Variants in PISD observed in about 807,000 individuals in gnomAD.
PISD encodes phosphatidylserine decarboxylase proenzyme, mitochondrial.
In PISD, 31 loss-of-function variants were observed where a neutral mutation model predicts 43.5. That is an observed-to-expected ratio of 0.71 (90% confidence interval 0.54 to 0.96). The LOEUF (loss-of-function observed/expected upper bound fraction) is 0.96, where lower values mean the gene tolerates loss of function less well. Ranked by LOEUF, PISD falls within the 40% of genes least tolerant of loss-of-function variation. PISD has a pLI of 0.00. For missense variants in PISD, 523 were observed against 548.4 expected, an observed-to-expected ratio of 0.95 and a Z score of 0.46; for synonymous variants, 259 against 228.7, an observed-to-expected ratio of 1.13 and a Z score of -1.20.
At chr22:31,619,967 G>C in intron 7 of PISD, 131 bp from the exon 8 acceptor site, 2 of 653,486 alleles carry the variant, frequency 3.1e-6, no homozygotes, top group Non-Finnish European at 5.3e-6. Context: ...CAAAAGGGAG[G>C]TGGGGATGGC....
At position 31,619,669 on chromosome 22, in the gene PISD, A is replaced by G. The variant is rs375120020; in HGVS notation, c.1173T>C (p.Asn391=). 15 of 1,614,102 alleles carry G rather than the reference A, an allele frequency of 9.3e-6. No homozygotes were observed. The highest frequency in any genetic ancestry group is 1.6e-4 in the Middle Eastern group (1 of 6,084). ...VLIFEAPKDF[N]FQLKTGQKIR... ...TTTTCTGTCCTGTTTTCAGCTGGAA[A>G]TTGAAGTCCTTGGGGGCCTCGAAGA... Residue 391 remains asparagine, a synonymous_variant, in exon 8 of 8, where the codon AAT becomes AAC. Coordinates refer to ENST00000439502, the MANE Select transcript of PISD (RefSeq NM_001326411.2).
chr22:31,653,023 A>G lies in PISD; in HGVS notation c.66-2245T>C, dbSNP rs373581241. Reference sequence around the variant, plus strand: ...TACTGTACTCCAGGCTGGGTGACAGAGTAGGACCCTACCTTAAAAAAAAAA... The same window carrying G: ...TACTGTACTCCAGGCTGGGTGACAGGGTAGGACCCTACCTTAAAAAAAAAA... On this transcript the variant is annotated intron_variant, in intron 1 of 7. Transcript: ENST00000439502. Among the ~76,000 whole-genome samples, 17 of 144,438 alleles carry G rather than the reference A, an allele frequency of 1.2e-4. No individual in the cohort carries two copies. The East Asian group carries it at 3.2e-3, about 27-fold the overall frequency. 94.8% of individuals were successfully genotyped at this position (144,438 alleles called of 152,430 possible).
chr22:31,638,129 G>A (rs1224609881), intron 3 of PISD, among the ~76,000 whole-genome samples: 1 of 152,224 alleles, frequency 6.6e-6, no homozygotes, highest in Non-Finnish European at 1.5e-5. Context: ...GGCTGTGCCT[G>A]CCCTTGGCTG....
rs754108769 is a variant in PISD, at chr22:31,619,663, C to T, written c.1179G>A (p.Gln393=). The T allele has an allele frequency of 6.2e-7, 1 of 1,614,212 alleles. No individual in the cohort carries two copies. Among genetic ancestry groups the T allele is most frequent in the Non-Finnish European group, 8.5e-7 (1 of 1,180,032 alleles). ...AGCGGATTTTCTGTCCTGTTTTCAG[C>T]TGGAAATTGAAGTCCTTGGGGGCCT... ...IFEAPKDFNF[Q]LKTGQKIRFG... The change falls in exon 8 of 8, where the codon CAG becomes CAA. Residue 393 remains glutamine (Q), a synonymous_variant. Coordinates refer to ENST00000439502, the MANE Select transcript of PISD (RefSeq NM_001326411.2).
At chr22:31,621,241 T>C in intron 5 of PISD, 93 bp downstream of exon 5, 1 of 1,609,490 alleles carries the variant, frequency 6.2e-7, no homozygotes, top group Non-Finnish European at 8.5e-7. Context: ...AGGCCCCACA[T>C]GCCAGCCTCA....
chr22:31,651,293 C>T (rs1418629329), intron 1 of PISD, among the ~76,000 whole-genome samples: 1 of 152,088 alleles, frequency 6.6e-6, no homozygotes, highest in Non-Finnish European at 1.5e-5. Flanking sequence ...AAAAGGTCAT[C>T]AAGTTGGCAA....
intron 1 of PISD, among the ~76,000 whole-genome samples, chr22:31,654,960 C>G (rs2074125302): frequency 6.6e-6 from 1 of 151,616 alleles, no homozygotes; most frequent in Non-Finnish European, 1.5e-5. Context: ...CCTGTAATCC[C>G]AGCTACTGGG....
Position 31,648,132 on chromosome 22 carries a change from T to G in PISD, c.290A>C (p.Glu97Ala), listed in dbSNP as rs577463398. ...GTGACCAGCAAGTTTGGGTGGAATC[T>G]CCAATCCCAGCTTCTCCAGCTCTCG... ...RERELEKLGL[E>A]IPPKLAGHWE... The change falls in exon 3 of 8, where the codon GAG (glutamate) becomes GCG (alanine). Residue 97 changes from glutamate to alanine, a missense_variant. Physicochemically the swap from Glu to Ala is moderately radical, Grantham distance 107 (BLOSUM62 -1). Transcript: ENST00000439502. 4.6e-5 allele frequency: 74 copies of G among 1,612,042 alleles called. 1 individual carries two copies. In the South Asian group the frequency reaches 6.9e-4, roughly 15 times the overall value.
chr22:31,655,834 G>A (rs964232888), intron 1 of PISD, among the ~76,000 whole-genome samples: 12 of 151,534 alleles, frequency 7.9e-5, no homozygotes, highest in African/African-American at 2.4e-4. Flanking sequence ...ACAGGGTTTC[G>A]CCATGTTGGC....
At chr22:31,620,443 C>T in intron 7 of PISD, 110 bp downstream of exon 7, 2 of 1,085,854 alleles carry the variant, frequency 1.8e-6, no homozygotes, top group Non-Finnish European at 2.7e-6. Flanking sequence ...CTGACCAGAG[C>T]TGTGGCCTCC....
intron 3 of PISD, chr22:31,632,248 G>C (rs2073236748): frequency 1.0e-6 from 1 of 985,026 alleles, no homozygotes; most frequent in South Asian, 4.7e-5. Context: ...GGGGGAAGAA[G>C]ACAGATAGGG....
At chr22:31,627,103 G>A (rs8139890) in intron 3 of PISD, among the ~76,000 whole-genome samples, 6,725 of 152,286 alleles carry the variant, frequency 0.044, 131 homozygotes, top group Non-Finnish European at 0.05. Flanking sequence ...AAGAATCACC[G>A]AAGCCCCGGG....
At chr22:31,629,286 A>ACATACCCTTGCACCTGCACAC in intron 3 of PISD, 1 of 934,582 alleles carries the variant, frequency 1.1e-6, no homozygotes, top group Non-Finnish European at 1.3e-6. Context: ...ATACGTGTGC[A>ACATACCCTTGCACCTGCACAC]GGTGCAAGGG....
chr22:31,637,346 G>A (rs903986218), intron 3 of PISD, among the ~76,000 whole-genome samples: 7 of 149,970 alleles, frequency 4.7e-5, no homozygotes, highest in Non-Finnish European at 1.0e-4. Flanking sequence ...CTGGGCAACA[G>A]AGCAAGACTC....
intron 3 of PISD, chr22:31,638,535 C>G: frequency 1.0e-6 from 1 of 985,532 alleles, no homozygotes; most frequent in Non-Finnish European, 1.2e-6. Flanking sequence ...ACACAGCTGC[C>G]CCAAGAGAGG....
upstream of PISD, chr22:31,662,271 C>T (rs2074345075): frequency 1.3e-6 from 2 of 1,527,344 alleles, no homozygotes; most frequent in Non-Finnish European, 1.8e-6. Context: ...CTTAAGGCGT[C>T]ACGAGTCTCG....
chr22:31,650,294 A>G (rs1202145781), intron 2 of PISD, among the ~76,000 whole-genome samples: 1 of 152,214 alleles, frequency 6.6e-6, no homozygotes, highest in Admixed American at 6.5e-5. Context: ...CCTGGGCATC[A>G]TAGCAAAACT....
Position 31,650,691 on chromosome 22 carries a change from C to T in PISD, c.145+8G>A. Reference sequence around the variant, plus strand: ...AGAGGGTCACCACCATCTCTAATTGCTCCTTACCTGTGCGAAAGGCTCTAA... The same window carrying T: ...AGAGGGTCACCACCATCTCTAATTGTTCCTTACCTGTGCGAAAGGCTCTAA... On this transcript the variant is annotated splice_region_variant and intron_variant, in intron 2 of 7. Transcript: ENST00000439502. The T allele has an allele frequency of 1.3e-6, 2 of 1,521,068 alleles. No individual in the cohort carries two copies. The highest frequency in any genetic ancestry group is 1.8e-6 in the Non-Finnish European group (2 of 1,119,882). 94.2% of individuals were successfully genotyped at this position (1,521,068 alleles called of 1,614,324 possible).
In PISD at chr22:31,625,774, G is replaced by A. The variant is rs780869246; in HGVS notation, c.322-3889C>T. 3.9e-5 allele frequency: 62 copies of A among 1,593,238 alleles called. No homozygotes were observed. Among genetic ancestry groups the A allele is most frequent in the Non-Finnish European group, 4.4e-5 (52 of 1,170,068 alleles). On this transcript the variant is annotated intron_variant, in intron 3 of 7. Transcript: ENST00000439502. ...GGGCAGCATCTCACCATTTCGCCGC[G>A]CGGAGCTCTGGTCCTTGCCGCGCCT...
Sources: allele counts gnomAD v4.1 joint callset (sites outside exome capture counted in the v4.1 genomes callset), GRCh38; gene constraint gnomAD v4.1.1; transcripts MANE v1.5; gene names NCBI Gene and HGNC (gene_info 2026-07-23, HGNC 2026-07-21).